ADGRL3: variants seen among roughly 807,000 people sequenced by gnomAD.
The protein encoded by ADGRL3 is calcium-independent alpha-latrotoxin receptor 3.
In ADGRL3, 62 loss-of-function variants were observed where a neutral mutation model predicts 153.5. The ratio of observed to expected loss-of-function variants is 0.40; its 90% CI spans 0.33 to 0.50. The LOEUF (loss-of-function observed/expected upper bound fraction) is 0.50. Ranked by LOEUF, ADGRL3 falls within the 20% of genes least tolerant of loss-of-function variation. ADGRL3 has a pLI of 0.47. For missense variants in ADGRL3, 1,641 were observed against 1,859.4 expected, an observed-to-expected ratio of 0.88 and a Z score of 2.16; for synonymous variants, 710 against 672.5, an observed-to-expected ratio of 1.06 and a Z score of -0.86.
chr4:62,020,991 G>C (rs2099235324), intron 21 of ADGRL3, among the ~76,000 whole-genome samples: 1 of 151,728 alleles, frequency 6.6e-6, no homozygotes, highest in South Asian at 2.1e-4. Context: ...TATAAACTGA[G>C]GCCCTTTAAA....
At chr4:61,643,069 T>C (rs1433051824) in intron 5 of ADGRL3, among the ~76,000 whole-genome samples, 1 of 152,230 alleles carries the variant, frequency 6.6e-6, no homozygotes, top group African/African-American at 2.4e-5. Flanking sequence ...GGGAGATCAC[T>C]CATGATTTGG....
At chr4:61,436,949 T>C (rs1201739298) in intron 2 of ADGRL3, among the ~76,000 whole-genome samples, 3 of 151,894 alleles carry the variant, frequency 2.0e-5, no homozygotes, top group Non-Finnish European at 4.4e-5. Flanking sequence ...CCATAGGTAA[T>C]AGAGAGAAGC....
At chr4:61,570,092 A>G (rs1016063182) in intron 4 of ADGRL3, among the ~76,000 whole-genome samples, 3 of 152,144 alleles carry the variant, frequency 2.0e-5, no homozygotes, top group Non-Finnish European at 4.4e-5. Flanking sequence ...GGAACTTCAT[A>G]TATCATTTTT....
intron 6 of ADGRL3, among the ~76,000 whole-genome samples, chr4:61,704,431 A>G (rs1383734730): frequency 1.3e-5 from 2 of 152,352 alleles, no homozygotes; most frequent in Admixed American, 6.5e-5. Flanking sequence ...TAAAAAATAC[A>G]TACCTTAATT....
At position 61,986,743 on chromosome 4, in the gene ADGRL3, G is replaced by A. The variant is rs543820975; in HGVS notation, c.3236+3140G>A. On this transcript the variant is annotated intron_variant, in intron 19 of 26. Coordinates refer to ENST00000683033, the MANE Select transcript of ADGRL3 (RefSeq NM_001387552.1). ...ATTATTTCAATTATATCACAGGGGGGCATAACACATGTTAGTGTCTTGGGG... is the reference window on the plus strand; with the variant it reads ...ATTATTTCAATTATATCACAGGGGGACATAACACATGTTAGTGTCTTGGGG... 7.1e-4 allele frequency among the ~76,000 whole-genome samples: 108 copies of A among 152,284 alleles called. 1 individual carries two copies. Among genetic ancestry groups the A allele is most frequent in the African/African-American group, 2.5e-3 (103 of 41,560 alleles).
At chr4:61,240,921 T>G in intron 1 of ADGRL3, among the ~76,000 whole-genome samples, 1 of 152,048 alleles carries the variant, frequency 6.6e-6, no homozygotes, top group East Asian at 1.9e-4. Flanking sequence ...GAAACTGATG[T>G]ATAGGTATGA....
intron 2 of ADGRL3, among the ~76,000 whole-genome samples, chr4:61,490,927 C>T (rs923872116): frequency 6.6e-6 from 1 of 152,132 alleles, no homozygotes; most frequent in Non-Finnish European, 1.5e-5. Flanking sequence ...GTGTAGGTTT[C>T]AGACATTGTA....
chr4:61,975,044 C>T (rs567307054), intron 17 of ADGRL3, among the ~76,000 whole-genome samples: 1 of 152,234 alleles, frequency 6.6e-6, no homozygotes, highest in African/African-American at 2.4e-5. Context: ...ACATATTTCT[C>T]CAGGAGCTGG....
intron 8 of ADGRL3, among the ~76,000 whole-genome samples, chr4:61,768,130 T>C (rs990587227): frequency 2.0e-5 from 3 of 152,096 alleles, no homozygotes; most frequent in African/African-American, 7.2e-5. Flanking sequence ...CGCTATCTGA[T>C]TTGGGATAAA....
At chr4:61,907,556 C>T (rs2098701888) in intron 11 of ADGRL3, among the ~76,000 whole-genome samples, 1 of 150,850 alleles carries the variant, frequency 6.6e-6, no homozygotes, top group Non-Finnish European at 1.5e-5. Context: ...CGTGCCCAGC[C>T]CAGTACTTGT....
At chr4:61,883,428 T>A (rs894988867) in intron 9 of ADGRL3, among the ~76,000 whole-genome samples, 2 of 152,202 alleles carry the variant, frequency 1.3e-5, no homozygotes, top group African/African-American at 4.8e-5. Flanking sequence ...ACTACCATTA[T>A]GAAACATTTA....
intron 1 of ADGRL3, among the ~76,000 whole-genome samples, chr4:61,304,526 G>A (rs2150394448): frequency 6.6e-6 from 1 of 152,260 alleles, no homozygotes; most frequent in Middle Eastern, 3.4e-3. Context: ...CTTTAACTGT[G>A]TGTGGAGGTT....
At position 61,517,469 on chromosome 4, in the gene ADGRL3, C is replaced by T. The variant is rs1485147776; in HGVS notation, c.210C>T (p.Thr70=). The change falls in exon 4 of 27, where the codon ACC becomes ACT. Residue 70 remains threonine, a synonymous_variant. Coordinates refer to ENST00000683033, the MANE Select transcript of ADGRL3 (RefSeq NM_001387552.1). ...AHRGQGPRGA[T]RGVRGPGAQG... ...GTGGACAAGGGCCCCGTGGAGCTAC[C>T]AGAGGAGTTCGCGGTCCAGGTGCCC... is the stretch of plus-strand genomic sequence containing the variant. The T allele has an allele frequency of 6.5e-6, 5 of 767,276 alleles. No individual in the cohort carries two copies. Among genetic ancestry groups the T allele is most frequent in the African/African-American group, 1.7e-5 (1 of 58,416 alleles). 47.5% of individuals were successfully genotyped at this position (767,276 alleles called of 1,614,324 possible).
intron 19 of ADGRL3, among the ~76,000 whole-genome samples, chr4:61,993,418 A>G (rs1581785132): frequency 6.8e-6 from 1 of 146,770 alleles, no homozygotes; most frequent in African/African-American, 2.5e-5. Flanking sequence ...CAGCCTCCCG[A>G]TTAGCTGGGA....
At position 61,508,108 on chromosome 4, in the gene ADGRL3, T is replaced by TA. The variant is rs200999401; in HGVS notation, c.56-9199dup. ...TAATATGGATTTTATTTGACTGGAA[T>TA]AAAAAAAATCCTTTTTGTCAGGAGC... On this transcript the variant is annotated intron_variant, in intron 3 of 26. Transcript: ENST00000683033. Among the ~76,000 whole-genome samples, 764 of 152,152 alleles carry TA rather than the reference T, an allele frequency of 5.0e-3. 10 individuals carry two copies. Among genetic ancestry groups the TA allele is most frequent in the African/African-American group, 0.016 (669 of 41,530 alleles).
chr4:61,217,173 T>A (rs1187321022), intron 1 of ADGRL3, among the ~76,000 whole-genome samples: 1 of 152,230 alleles, frequency 6.6e-6, no homozygotes, highest in Non-Finnish European at 1.5e-5. Flanking sequence ...AAAGAGGAAT[T>A]AAGCAATGTA....
At chr4:61,657,619 A>AACATTTCTAAATT (rs1186252766) in intron 5 of ADGRL3, among the ~76,000 whole-genome samples, 4 of 152,130 alleles carry the variant, frequency 2.6e-5, no homozygotes, top group Non-Finnish European at 5.9e-5. Flanking sequence ...TTAACCAACT[A>AACATTTCTAAATT]CAGTTACCTG....
chr4:61,792,503 T>C (rs1295429706), intron 8 of ADGRL3, among the ~76,000 whole-genome samples: 1 of 112,892 alleles, frequency 8.9e-6, no homozygotes, highest in South Asian at 3.1e-4. Flanking sequence ...ATTATTTTTT[T>C]TTTTTGAGAC....
intron 1 of ADGRL3, among the ~76,000 whole-genome samples, chr4:61,240,607 A>C (rs976073149): frequency 3.9e-5 from 6 of 152,138 alleles, no homozygotes; most frequent in South Asian, 2.1e-4. Context: ...AATAGGTGTC[A>C]GTTTTCTATA....
Sources: gnomAD v4.1 joint callset for allele counts (sites outside exome capture counted in the v4.1 genomes callset) on GRCh38, gnomAD v4.1.1 for gene constraint, MANE v1.5 for transcripts, NCBI Gene and HGNC (gene_info 2026-07-23, HGNC 2026-07-21) for gene names.